The following CAMK4 variants were observed in gnomAD, a reference collection of about 807,000 sequenced individuals.
CAMK4 encodes calcium/calmodulin dependent protein kinase IV.
A neutral mutation model predicts 44.9 loss-of-function variants in CAMK4; 22 were observed. The ratio of observed to expected loss-of-function variants is 0.49; its 90% CI spans 0.35 to 0.70. The LOEUF (loss-of-function observed/expected upper bound fraction) is 0.70, where lower values mean the gene tolerates loss of function less well. Ranked by LOEUF, CAMK4 falls within the 30% of genes least tolerant of loss-of-function variation. CAMK4 has a pLI of 0.01. For missense variants in CAMK4, 498 were observed against 586.8 expected (o/e 0.85, Z 1.56); for synonymous variants, 218 against 215.4 (o/e 1.01, Z -0.11).
At chr5:111,239,534 A>C (rs1348369439) in intron 1 of CAMK4, among the ~76,000 whole-genome samples, 1 of 152,190 alleles carries the variant, frequency 6.6e-6, no homozygotes. Context: ...GGGATTGTTA[A>C]ATATTAAGAT....
intron 1 of CAMK4, among the ~76,000 whole-genome samples, chr5:111,333,395 A>G (rs767256187): frequency 3.7e-5 from 5 of 133,892 alleles, no homozygotes; most frequent in Admixed American, 7.5e-5. Context: ...AATATGATGC[A>G]TAAAATATTT....
intron 5 of CAMK4, among the ~76,000 whole-genome samples, chr5:111,425,117 C>G (rs561965633): frequency 6.8e-6 from 1 of 147,700 alleles, no homozygotes; most frequent in Non-Finnish European, 1.5e-5. Flanking sequence ...GAGCTGAGAT[C>G]ACTCGACTGC....
At position 111,467,317 on chromosome 5, in the gene CAMK4, T is replaced by C. The variant is rs1347462102; in HGVS notation, c.626-5994T>C. Among the ~76,000 whole-genome samples, 4 of 143,622 alleles carry C rather than the reference T, an allele frequency of 2.8e-5. No homozygotes were observed. The Admixed American group carries it at 2.8e-4, about 10-fold the overall frequency. The allele number at this position is 143,622 out of a possible 152,430, so 94.2% of individuals were successfully genotyped here. ...CAAGAACCCAAAAGCAAATGCAACTTTGTTTTTACAAAGATAAATAGATGG... is the reference window on the plus strand; with the variant it reads ...CAAGAACCCAAAAGCAAATGCAACTCTGTTTTTACAAAGATAAATAGATGG... On this transcript the variant is annotated intron_variant, in intron 7 of 10. Transcript: ENST00000282356.
intron 5 of CAMK4, among the ~76,000 whole-genome samples, chr5:111,440,679 A>G (rs982521568): frequency 6.6e-6 from 1 of 152,240 alleles, no homozygotes; most frequent in African/African-American, 2.4e-5. Flanking sequence ...CAGGTAGAGG[A>G]AGGAAGAGGT....
At chr5:111,334,488 CG>C (rs1206416757) in intron 1 of CAMK4, among the ~76,000 whole-genome samples, 1 of 151,436 alleles carries the variant, frequency 6.6e-6, no homozygotes, top group Non-Finnish European at 1.5e-5. Flanking sequence ...CAGATTTTGA[CG>C]TTTTTTAGGT....
At chr5:111,395,360 A>T (rs1031272696) in intron 5 of CAMK4, among the ~76,000 whole-genome samples, 8 of 151,832 alleles carry the variant, frequency 5.3e-5, no homozygotes, top group African/African-American at 1.9e-4. Context: ...ATTAATTTCC[A>T]TTCTATTATT....
chr5:111,443,315 C>A (rs1334612759), intron 5 of CAMK4, among the ~76,000 whole-genome samples: 134 of 107,432 alleles, frequency 1.2e-3, no homozygotes, highest in African/African-American at 4.1e-3. Context: ...CACACACACA[C>A]TATATATATA....
chr5:111,429,317 C>T (rs11745936), intron 5 of CAMK4, among the ~76,000 whole-genome samples: 1 of 152,010 alleles, frequency 6.6e-6, no homozygotes, highest in African/African-American at 2.4e-5. Flanking sequence ...ACAGCTAATA[C>T]TACAGAAATT....
chr5:111,257,333 C>T (rs536415315), intron 1 of CAMK4, among the ~76,000 whole-genome samples: 56 of 152,224 alleles, frequency 3.7e-4, no homozygotes, highest in African/African-American at 9.9e-4. Context: ...AAAAAGTGGG[C>T]GAAGGACATG....
intron 1 of CAMK4, among the ~76,000 whole-genome samples, chr5:111,288,261 T>C (rs1160506769): frequency 6.6e-6 from 1 of 152,252 alleles, no homozygotes; most frequent in African/African-American, 2.4e-5. Flanking sequence ...TTACAAATAA[T>C]GATGCTCTAA....
At chr5:111,228,083 G>A (rs1485223076) in intron 1 of CAMK4, among the ~76,000 whole-genome samples, 1 of 152,158 alleles carries the variant, frequency 6.6e-6, no homozygotes, top group African/African-American at 2.4e-5. Flanking sequence ...GTCTGTGCAT[G>A]CAAACCCATG....
intron 1 of CAMK4, among the ~76,000 whole-genome samples, chr5:111,315,359 T>G (rs1246542355): frequency 1.3e-5 from 2 of 152,136 alleles, no homozygotes; most frequent in Non-Finnish European, 2.9e-5. Flanking sequence ...CAGATTAATT[T>G]GAAATACTAA....
chr5:111,378,630 A>G (rs543810931), intron 4 of CAMK4, among the ~76,000 whole-genome samples: 1 of 152,280 alleles, frequency 6.6e-6, no homozygotes, highest in Non-Finnish European at 1.5e-5. Flanking sequence ...GACTTTAAAC[A>G]TTATAACATT....
chr5:111,425,310 G>A (rs1329297299), intron 5 of CAMK4, among the ~76,000 whole-genome samples: 1 of 151,978 alleles, frequency 6.6e-6, no homozygotes, highest in Non-Finnish European at 1.5e-5. Flanking sequence ...TGCCAGTTTT[G>A]TGAGGTCGTA....
intron 1 of CAMK4, among the ~76,000 whole-genome samples, chr5:111,230,266 G>T (rs998193616): frequency 1.3e-5 from 2 of 152,122 alleles, no homozygotes; most frequent in African/African-American, 4.8e-5. Flanking sequence ...TCACTTTTCT[G>T]TTGGCAGAGT....
chr5:111,395,497 G>A (rs1751975085), intron 5 of CAMK4, among the ~76,000 whole-genome samples: 1 of 151,292 alleles, frequency 6.6e-6, no homozygotes, highest in South Asian at 2.1e-4. Context: ...GGTTGAATGT[G>A]ATGTAAACCT....
intron 1 of CAMK4, among the ~76,000 whole-genome samples, chr5:111,232,849 C>G (rs962450460): frequency 6.6e-6 from 1 of 151,660 alleles, no homozygotes. Context: ...GATTGGTTAC[C>G]TAGACCAGGT....
chr5:111,238,808 CTTTTT>C (rs57552178), intron 1 of CAMK4, among the ~76,000 whole-genome samples: 6 of 45,938 alleles, frequency 1.3e-4, no homozygotes, highest in South Asian at 1.9e-3. Flanking sequence ...AGAGGCTCTT[CTTTTT>C]TTTTTTTTTT....
chr5:111,432,277 C>T (rs1224751428), intron 5 of CAMK4, among the ~76,000 whole-genome samples: 1 of 152,020 alleles, frequency 6.6e-6, no homozygotes, highest in African/African-American at 2.4e-5. Context: ...TGCATGTTTT[C>T]ACTTATTTGT....
Sources: gnomAD v4.1 joint callset for allele counts (sites outside exome capture counted in the v4.1 genomes callset) on GRCh38, gnomAD v4.1.1 for gene constraint, MANE v1.5 for transcripts, NCBI Gene and HGNC (gene_info 2026-07-23, HGNC 2026-07-21) for gene names.